Variants in UBE2H observed in about 807,000 individuals in gnomAD.
The protein encoded by UBE2H is ubiquitin conjugating enzyme E2 H.
A neutral mutation model predicts 29.0 loss-of-function variants in UBE2H; 3 were observed. The ratio of observed to expected loss-of-function variants is 0.10; its 90% CI spans 0.05 to 0.27. The LOEUF (loss-of-function observed/expected upper bound fraction) is 0.27. Among genes scored for constraint, UBE2H ranks in the 10% least tolerant of loss-of-function variants. UBE2H has a pLI of 1.00. For missense variants in UBE2H, 68 were observed against 228.2 expected (o/e 0.30, Z 4.52); for synonymous variants, 69 against 82.9 (o/e 0.83, Z 0.91).
At chr7:129,927,423 C>T (rs1380756654) in intron 1 of UBE2H, among the ~76,000 whole-genome samples, 1 of 152,094 alleles carries the variant, frequency 6.6e-6, no homozygotes, top group African/African-American at 2.4e-5. Flanking sequence ...TCCTGTAATC[C>T]CAGCTACTTG....
At chr7:129,863,603 T>A (rs1157923063) in intron 3 of UBE2H, among the ~76,000 whole-genome samples, 1 of 152,144 alleles carries the variant, frequency 6.6e-6, no homozygotes, top group Non-Finnish European at 1.5e-5. Flanking sequence ...TAAGGCAGCA[T>A]TTTTAGGTAC....
At chr7:129,867,579 T>C (rs1193662844) in intron 3 of UBE2H, among the ~76,000 whole-genome samples, 1 of 94,082 alleles carries the variant, frequency 1.1e-5, no homozygotes, top group African/African-American at 4.2e-5. Context: ...GGGATAGCAT[T>C]GGGAGATATA....
Position 129,834,305 on chromosome 7 carries a change from C to CTGACATAT in UBE2H, c.*624_*631dup, listed in dbSNP as rs1805283371. The CTGACATAT allele has an allele frequency of 6.6e-6, 1 of 152,228 alleles. No homozygotes were observed. The highest frequency in any genetic ancestry group is 6.5e-5 in the Admixed American group (1 of 15,286). 9.4% of individuals were successfully genotyped at this position (152,228 alleles called of 1,614,324 possible). A position where few individuals can be genotyped will look rare whatever the true frequency, so the allele number is the denominator to read the frequency against. The stretch of plus-strand genomic sequence containing the variant: ...GGCCTGGTAGTGTGAAGGGCAGCAA[C>CTGACATAT]TGACATATAAAAATGTACTTAAAAT... On this transcript the variant is annotated 3_prime_UTR_variant, in exon 7 of 7. Transcript: ENST00000355621.
rs895560763 is a variant in UBE2H at position 129,889,486 on chromosome 7, T to A, written c.54-8515A>T. Among the ~76,000 whole-genome samples the A allele has an allele frequency of 3.9e-5, 6 of 152,224 alleles. No individual in the cohort carries two copies. In the South Asian group the frequency reaches 1.2e-3, roughly 32 times the overall value. On this transcript the variant is annotated intron_variant, in intron 1 of 6. Transcript: ENST00000355621. ...CTAATTCAAGCTCTAAATTTCTAAGTGTAAACAAAGTATATGTGCTCCAAT... is the reference window on the plus strand; with the variant it reads ...CTAATTCAAGCTCTAAATTTCTAAGAGTAAACAAAGTATATGTGCTCCAAT...
chr7:129,832,952 C>G lies in UBE2H; in HGVS notation c.*1985G>C, dbSNP rs1386928158. ...GCCAGCAGAGAGACCCTCCCTCCCC[C>G]AAAGCAATGAGAAGACAGCGTGCTA... On this transcript the variant is annotated 3_prime_UTR_variant, in exon 7 of 7. Transcript: ENST00000355621. 2.6e-5 allele frequency: 4 copies of G among 152,172 alleles called. No individual in the cohort carries two copies. Among genetic ancestry groups the G allele is most frequent in the Non-Finnish European group, 5.9e-5 (4 of 68,050 alleles). The allele number at this position is 152,172 out of a possible 1,614,324, so 9.4% of individuals were successfully genotyped here. A position where few individuals can be genotyped will look rare whatever the true frequency, so the allele number is the denominator to read the frequency against.
chr7:129,895,230 C>T (rs1427825314), intron 1 of UBE2H, among the ~76,000 whole-genome samples: 1 of 152,172 alleles, frequency 6.6e-6, no homozygotes, highest in Non-Finnish European at 1.5e-5. Flanking sequence ...GGCTGTCACA[C>T]AGTCTCTAGC....
intron 5 of UBE2H, among the ~76,000 whole-genome samples, chr7:129,844,820 T>G (rs978621705): frequency 5.9e-5 from 9 of 152,206 alleles, no homozygotes; most frequent in Admixed American, 5.9e-4. Context: ...GCATATAATT[T>G]ATATTCATAT....
At chr7:129,927,452 AT>A (rs759586477) in intron 1 of UBE2H, among the ~76,000 whole-genome samples, 9 of 152,184 alleles carry the variant, frequency 5.9e-5, no homozygotes, top group Non-Finnish European at 1.0e-4. Flanking sequence ...GAGGCAGAGA[AT>A]TGCTTGAACC....
Position 129,836,879 on chromosome 7 carries a change from C to CA in UBE2H, c.428-1819dup, listed in dbSNP as rs61226846. On this transcript the variant is annotated intron_variant, in intron 6 of 6. Coordinates refer to ENST00000355621, the MANE Select transcript of UBE2H (RefSeq NM_003344.4). ...TAGGCGACAGGGCAAGACTCCGTCT[C>CA]AAAAAAAAAAAAAAAAAAAAAAAAA... 2.0e-3 allele frequency among the ~76,000 whole-genome samples: 147 copies of CA among 73,706 alleles called. 10 individuals are homozygous for CA. The highest frequency in any genetic ancestry group is 3.7e-3 in the Admixed American group (23 of 6,190). 48.4% of individuals were successfully genotyped at this position (73,706 alleles called of 152,430 possible).
intron 1 of UBE2H, among the ~76,000 whole-genome samples, chr7:129,900,045 G>A (rs953408959): frequency 6.6e-6 from 1 of 151,566 alleles, no homozygotes; most frequent in African/African-American, 2.4e-5. Flanking sequence ...CAGGAGAATC[G>A]CTTGAACATG....
At chr7:129,936,909 C>G (rs892852893) in intron 1 of UBE2H, among the ~76,000 whole-genome samples, 1 of 150,178 alleles carries the variant, frequency 6.7e-6, no homozygotes, top group Non-Finnish European at 1.5e-5. Flanking sequence ...ACTGGGGAGA[C>G]AGAGGTTGCA....
At chr7:129,888,945 T>C (rs1171635501) in intron 1 of UBE2H, among the ~76,000 whole-genome samples, 1 of 152,180 alleles carries the variant, frequency 6.6e-6, no homozygotes, top group African/African-American at 2.4e-5. Flanking sequence ...TGGTCTGCTA[T>C]GGAAGGTAAG....
chr7:129,930,049 T>C (rs1361446407), intron 1 of UBE2H, among the ~76,000 whole-genome samples: 1 of 152,180 alleles, frequency 6.6e-6, no homozygotes, highest in Non-Finnish European at 1.5e-5. Flanking sequence ...CAAGAAACTG[T>C]GCTAGGTTAC....
At chr7:129,951,642 G>T (rs531251793) in intron 1 of UBE2H, among the ~76,000 whole-genome samples, 3 of 152,292 alleles carry the variant, frequency 2.0e-5, no homozygotes, top group African/African-American at 7.2e-5. Context: ...CATAAAGTTG[G>T]GGGGAGGGGG....
intron 1 of UBE2H, among the ~76,000 whole-genome samples, chr7:129,909,370 T>C (rs1447235587): frequency 2.6e-5 from 4 of 152,044 alleles, no homozygotes; most frequent in Admixed American, 2.6e-4. Flanking sequence ...AAGCACCCCG[T>C]GAATTTCTGA....
intron 1 of UBE2H, among the ~76,000 whole-genome samples, chr7:129,895,776 C>T (rs1024067156): frequency 2.6e-4 from 39 of 152,072 alleles, no homozygotes; most frequent in African/African-American, 9.4e-4. Context: ...GTAGTCCCAA[C>T]TACTTGGGAG....
chr7:129,879,942 A>C (rs1467469950), intron 2 of UBE2H, among the ~76,000 whole-genome samples: 1 of 152,156 alleles, frequency 6.6e-6, no homozygotes, highest in Non-Finnish European at 1.5e-5. Flanking sequence ...TCCTATCTCA[A>C]TAAACCCCAT....
intron 1 of UBE2H, among the ~76,000 whole-genome samples, chr7:129,921,761 T>C: frequency 6.7e-6 from 1 of 149,418 alleles, no homozygotes; most frequent in East Asian, 2.0e-4. Context: ...TTTTTCCCAC[T>C]AACATTGCAT....
At chr7:129,842,461 T>C (rs185729017) in intron 5 of UBE2H, among the ~76,000 whole-genome samples, 167 of 152,276 alleles carry the variant, frequency 1.1e-3, no homozygotes, top group African/African-American at 3.6e-3. Flanking sequence ...AATAACATTT[T>C]CCTGTAAATA....
Sources: allele counts gnomAD v4.1 joint callset (sites outside exome capture counted in the v4.1 genomes callset), GRCh38; gene constraint gnomAD v4.1.1; transcripts MANE v1.5; gene names NCBI Gene and HGNC (gene_info 2026-07-23, HGNC 2026-07-21).